TBC1D23: variants seen among roughly 807,000 people sequenced by gnomAD.
TBC1D23 encodes TBC1 domain family member 23.
TBC1D23 carries 55 observed loss-of-function variants against 91.4 expected under a neutral mutation model. That is an observed-to-expected ratio of 0.60 (90% confidence interval 0.48 to 0.75). The LOEUF is 0.75. TBC1D23 is among the 30% of genes least tolerant of loss of function. TBC1D23 has a pLI of 0.00. For missense variants in TBC1D23, 725 were observed against 836.1 expected (o/e 0.87, Z 1.64); for synonymous variants, 289 against 281.0 (o/e 1.03, Z -0.28).
intron 5 of TBC1D23, among the ~76,000 whole-genome samples, chr3:100,291,450 C>T (rs926792343): frequency 1.2e-4 from 18 of 152,032 alleles, no homozygotes; most frequent in East Asian, 9.7e-4. Flanking sequence ...GGTGTGGTGG[C>T]GTGTACCTGT....
chr3:100,312,162 A>G (rs1705635560), intron 15 of TBC1D23, among the ~76,000 whole-genome samples: 2 of 152,198 alleles, frequency 1.3e-5, no homozygotes, highest in African/African-American at 2.4e-5. Context: ...ATTCTGAGAC[A>G]GGGGAAGGTG....
chr3:100,321,022 T>TC, intron 18 of TBC1D23, 51 bp downstream of exon 18: 30 of 1,345,636 alleles, frequency 2.2e-5, no homozygotes, highest in Non-Finnish European at 3.1e-5. Flanking sequence ...TTATCTGAAT[T>TC]ACTGTAGTTC....
intron 10 of TBC1D23, among the ~76,000 whole-genome samples, chr3:100,301,272 CA>C (rs71697646): frequency 7.6e-4 from 86 of 113,080 alleles, no homozygotes; most frequent in Admixed American, 1.5e-3. Flanking sequence ...GATTCCGTCT[CA>C]AAAAAAAAAA....
chr3:100,320,909 A>C lies in TBC1D23; in HGVS notation c.1956A>C (p.Glu652Asp). 6.2e-7 allele frequency: 1 copy of C among 1,612,378 alleles called. No homozygotes were observed. The highest frequency in any genetic ancestry group is 1.7e-4 in the Middle Eastern group (1 of 5,966). Residue 652 changes from glutamate (E) to aspartate (D), a missense_variant, in exon 18 of 19, where the codon GAA becomes GAC. Physicochemically the swap from Glu to Asp is conservative, Grantham distance 45. Transcript: ENST00000394144. ...TTACATCCAAAAAAAAACATCCTGA[A>C]CTCATTACCTTCAAGTATGGAAATA... The part of the protein sequence containing the change: ...VKITSKKKHP[E>D]LITFKYGNSS...
intron 15 of TBC1D23, 174 bp from the exon 16 acceptor site, chr3:100,315,925 T>C (rs927107685): frequency 3.5e-6 from 2 of 578,932 alleles, no homozygotes; most frequent in African/African-American, 1.9e-5. Context: ...AATTTCTTTA[T>C]CTTCTTTTAA....
At chr3:100,280,385 AT>A (rs1246842977) in intron 2 of TBC1D23, among the ~76,000 whole-genome samples, 1 of 152,032 alleles carries the variant, frequency 6.6e-6, no homozygotes, top group African/African-American at 2.4e-5. Flanking sequence ...GTTATAGGAG[AT>A]TTTCCCTTTG....
chr3:100,284,893 T>C (rs1037036511), intron 4 of TBC1D23, among the ~76,000 whole-genome samples: 3 of 152,190 alleles, frequency 2.0e-5, no homozygotes, highest in Admixed American at 2.0e-4. Context: ...TGAAAATCTC[T>C]TGGTGATGGG....
intron 15 of TBC1D23, among the ~76,000 whole-genome samples, chr3:100,314,295 A>G (rs560231243): frequency 1.4e-3 from 219 of 151,854 alleles, no homozygotes; most frequent in African/African-American, 5.0e-3. Flanking sequence ...ACGGGGTTTC[A>G]CCATGTTAGC....
rs112242521 is a variant in TBC1D23, at chr3:100,269,192, CT to C, written c.53+8123del. 8.5e-4 allele frequency among the ~76,000 whole-genome samples: 130 copies of C among 152,222 alleles called. 1 individual carries two copies. The highest frequency in any genetic ancestry group is 3.0e-3 in the African/African-American group (123 of 41,548). ...GAAATACTGTAGCTATTAAATTTGC[CT>C]TGTGAAGCCAAGAGGACTAGATTTA... On this transcript the variant is annotated intron_variant, in intron 1 of 18. Coordinates refer to ENST00000394144, the MANE Select transcript of TBC1D23 (RefSeq NM_001199198.3).
At chr3:100,275,114 A>C (rs956016252) in intron 1 of TBC1D23, among the ~76,000 whole-genome samples, 5 of 152,182 alleles carry the variant, frequency 3.3e-5, no homozygotes, top group African/African-American at 1.2e-4. Context: ...ACCGTTTTCC[A>C]TAGTGGCTGC....
chr3:100,274,041 AAG>A (rs2067625028), intron 1 of TBC1D23, among the ~76,000 whole-genome samples: 1 of 152,172 alleles, frequency 6.6e-6, no homozygotes, highest in Non-Finnish European at 1.5e-5. Context: ...GATTCACAAA[AAG>A]TGATTATCTC....
At chr3:100,290,541 G>A (rs1414468439) in intron 4 of TBC1D23, 37 bp from the exon 5 acceptor site, 10 of 1,606,124 alleles carry the variant, frequency 6.2e-6, no homozygotes, top group Non-Finnish European at 6.8e-6. Flanking sequence ...TTTCTGATCT[G>A]TTAATGCAAA....
intron 1 of TBC1D23, among the ~76,000 whole-genome samples, chr3:100,264,392 A>G (rs2067541772): frequency 1.3e-5 from 2 of 150,836 alleles, no homozygotes; most frequent in South Asian, 4.2e-4. Flanking sequence ...AAAATGTATC[A>G]TATATCTTAC....
At chr3:100,290,430 GA>G in intron 4 of TBC1D23, 147 bp from the exon 5 acceptor site, 16 of 687,524 alleles carry the variant, frequency 2.3e-5, no homozygotes, top group Non-Finnish European at 2.7e-5. Context: ...CAGGGACATT[GA>G]AAAAGGTATT....
At chr3:100,299,404 C>T (rs886675077) in intron 10 of TBC1D23, 73 bp downstream of exon 10, 2 of 855,280 alleles carry the variant, frequency 2.3e-6, no homozygotes, top group Admixed American at 2.5e-5. Context: ...ATATATAGGT[C>T]CCAGATTGGG....
intron 15 of TBC1D23, among the ~76,000 whole-genome samples, chr3:100,315,326 C>A (rs1339199849): frequency 6.6e-6 from 1 of 151,958 alleles, no homozygotes; most frequent in African/African-American, 2.4e-5. Context: ...CCATGCCCAG[C>A]CAATTTTGTA....
chr3:100,316,255 G>C, intron 16 of TBC1D23, 68 bp downstream of exon 16: 1 of 1,088,896 alleles, frequency 9.2e-7, no homozygotes, highest in South Asian at 1.3e-5. Context: ...GTCATTCTGG[G>C]AATAGCCAAT....
chr3:100,323,028 TAA>T (rs1705889873), intron 18 of TBC1D23, among the ~76,000 whole-genome samples: 1 of 152,218 alleles, frequency 6.6e-6, no homozygotes, highest in Non-Finnish European at 1.5e-5. Flanking sequence ...ATAGTTATCA[TAA>T]GTCTTATCTT....
chr3:100,323,623 C>G lies in TBC1D23; in HGVS notation c.2055C>G (p.Ala685=), dbSNP rs62636639. 2.7e-3 allele frequency: 4,091 copies of G among 1,535,422 alleles called. 103 individuals carry two copies. In the African/African-American group the frequency reaches 0.052, roughly 19 times the overall value. The change falls in exon 19 of 19, where the codon GCC becomes GCG. Residue 685 remains alanine (A), a synonymous_variant. Transcript: ENST00000394144. ...CAAATGCAGGGGATGCAACTAAAGCCATAAAACAGCAGATCATGAAAGTTT... is the reference window on the plus strand; with the variant it reads ...CAAATGCAGGGGATGCAACTAAAGCGATAAAACAGCAGATCATGAAAGTTT... ...LIPNAGDATK[A]IKQQIMKVLD...
Sources: gnomAD v4.1 joint callset for allele counts (sites outside exome capture counted in the v4.1 genomes callset) on GRCh38, gnomAD v4.1.1 for gene constraint, MANE v1.5 for transcripts, NCBI Gene and HGNC (gene_info 2026-07-23, HGNC 2026-07-21) for gene names.